Variants in RBFOX1 observed in about 807,000 individuals in gnomAD.
The protein encoded by RBFOX1 is RNA binding protein fox-1 homolog 1.
Under a neutral mutation model 57.7 loss-of-function variants are expected in RBFOX1, and 8 were observed. The observed-to-expected ratio is 0.14, with a 90% CI of 0.08 to 0.25. The LOEUF (loss-of-function observed/expected upper bound fraction) is 0.25, where lower values mean the gene tolerates loss of function less well. Ranked by LOEUF, RBFOX1 falls within the 10% of genes least tolerant of loss-of-function variation. The pLI is 1.00. For synonymous variants in RBFOX1, 326 were observed against 222.4 expected (o/e 1.47, Z -4.15); for missense variants, 611 against 548.5 (o/e 1.11, Z -1.14).
chr16:7,282,572 T>A (rs1000278569), intron 4 of RBFOX1, among the ~76,000 whole-genome samples: 7 of 151,880 alleles, frequency 4.6e-5, no homozygotes, highest in Admixed American at 4.6e-4. Context: ...TTTTTTTTCC[T>A]GTTATCGTTC....
chr16:7,303,865 G>T (rs1052526493), intron 4 of RBFOX1, among the ~76,000 whole-genome samples: 1 of 118,346 alleles, frequency 8.4e-6, no homozygotes, highest in South Asian at 3.2e-4. Flanking sequence ...CCTCCCTCTC[G>T]CTATCCTTGC....
chr16:6,885,906 C>T (rs28471023), intron 3 of RBFOX1, among the ~76,000 whole-genome samples: 6,077 of 152,198 alleles, frequency 0.04, 259 homozygotes, highest in East Asian at 0.18. Context: ...GGAGAATGAA[C>T]GTTGACTTTA....
At chr16:6,155,550 T>C (rs1326956372) in intron 1 of RBFOX1, among the ~76,000 whole-genome samples, 1 of 152,200 alleles carries the variant, frequency 6.6e-6, no homozygotes, top group Non-Finnish European at 1.5e-5. Context: ...TTAAGAAATG[T>C]CCCACATCGA....
intron 4 of RBFOX1, among the ~76,000 whole-genome samples, chr16:7,443,343 T>A (rs1055571109): frequency 6.6e-6 from 1 of 152,130 alleles, no homozygotes; most frequent in African/African-American, 2.4e-5. Context: ...AGTGAATTCC[T>A]ACCCCATCCC....
chr16:5,340,616 A>C (rs2065011738), intron 1 of RBFOX1, among the ~76,000 whole-genome samples: 1 of 152,186 alleles, frequency 6.6e-6, no homozygotes, highest in Admixed American at 6.5e-5. Context: ...TAGGAAATGA[A>C]CTGGCTTTTG....
At chr16:5,571,629 T>C (rs1162710077) in intron 2 of RBFOX1, among the ~76,000 whole-genome samples, 1 of 152,130 alleles carries the variant, frequency 6.6e-6, no homozygotes. Flanking sequence ...GCCATGCTTC[T>C]TGAGGTTATC....
chr16:7,589,512 T>G (rs973715081), intron 7 of RBFOX1, among the ~76,000 whole-genome samples: 3 of 151,906 alleles, frequency 2.0e-5, no homozygotes, highest in Non-Finnish European at 4.4e-5. Flanking sequence ...TGGTCTTTAT[T>G]CTTTTGGTTT....
chr16:7,698,971 A>T (rs150572926), intron 14 of RBFOX1, among the ~76,000 whole-genome samples: 1 of 152,178 alleles, frequency 6.6e-6, no homozygotes, highest in Non-Finnish European at 1.5e-5. Flanking sequence ...CAGAATTTTA[A>T]AAAATGGAAT....
At chr16:6,584,501 G>A (rs1712578344) in intron 2 of RBFOX1, among the ~76,000 whole-genome samples, 1 of 151,780 alleles carries the variant, frequency 6.6e-6, no homozygotes, top group Non-Finnish European at 1.5e-5. Flanking sequence ...CCAAGTTGCT[G>A]GGATTACTGC....
chr16:6,647,597 G>A (rs1048811777), intron 2 of RBFOX1, among the ~76,000 whole-genome samples: 1 of 152,144 alleles, frequency 6.6e-6, no homozygotes, highest in Non-Finnish European at 1.5e-5. Flanking sequence ...CTTCCTTAGA[G>A]TTCCCATCTC....
At chr16:5,609,618 A>G (rs957467834) in intron 3 of RBFOX1, among the ~76,000 whole-genome samples, 1 of 152,106 alleles carries the variant, frequency 6.6e-6, no homozygotes, top group East Asian at 1.9e-4. Context: ...ACCAAATGGG[A>G]CCCTGTGACC....
At chr16:5,609,459 T>C (rs2047698346) in intron 3 of RBFOX1, among the ~76,000 whole-genome samples, 1 of 152,144 alleles carries the variant, frequency 6.6e-6, no homozygotes, top group Non-Finnish European at 1.5e-5. Context: ...GAGGTCAGCT[T>C]CCAGGCTTTT....
chr16:6,322,979 C>G (rs1403754446), intron 2 of RBFOX1, among the ~76,000 whole-genome samples: 1 of 152,184 alleles, frequency 6.6e-6, no homozygotes, highest in Admixed American at 6.5e-5. Flanking sequence ...TACATTTCCC[C>G]TATGAATATC....
intron 7 of RBFOX1, among the ~76,000 whole-genome samples, chr16:7,588,359 A>C (rs373813653): frequency 6.6e-6 from 1 of 152,206 alleles, no homozygotes; most frequent in Non-Finnish European, 1.5e-5. Context: ...GTTGAATTCA[A>C]AACTCCCAAG....
intron 4 of RBFOX1, among the ~76,000 whole-genome samples, chr16:7,192,542 C>G (rs570872051): frequency 1.3e-5 from 2 of 152,172 alleles, no homozygotes; most frequent in East Asian, 3.9e-4. Flanking sequence ...GTGAGAAGAC[C>G]AAAGACAAAT....
At chr16:6,050,913 C>T (rs796311429) in intron 1 of RBFOX1, among the ~76,000 whole-genome samples, 6 of 150,504 alleles carry the variant, frequency 4.0e-5, no homozygotes, top group African/African-American at 1.5e-4. Flanking sequence ...AATCATCAAC[C>T]GGTGAGAGCT....
chr16:5,914,307 TG>T (rs528531525), intron 4 of RBFOX1, among the ~76,000 whole-genome samples: 187 of 152,336 alleles, frequency 1.2e-3, no homozygotes, highest in Non-Finnish European at 1.6e-3. Context: ...CCCCAATTTT[TG>T]TTGGGTCAGA....
intron 4 of RBFOX1, among the ~76,000 whole-genome samples, chr16:7,193,821 T>C (rs1008450614): frequency 5.3e-5 from 8 of 152,336 alleles, no homozygotes; most frequent in Middle Eastern, 3.4e-3. Flanking sequence ...GTAATGTATT[T>C]ACGTAACTCA....
chr16:7,054,554 A>AGGGGG (rs2051435839), intron 4 of RBFOX1, among the ~76,000 whole-genome samples: 1 of 104,718 alleles, frequency 9.5e-6, no homozygotes, highest in African/African-American at 2.8e-5. Flanking sequence ...GTGGGGGGGC[A>AGGGGG]TTTTTTAAGG....
Sources: gnomAD v4.1 joint callset for allele counts (sites outside exome capture counted in the v4.1 genomes callset) on GRCh38, gnomAD v4.1.1 for gene constraint, MANE v1.5 for transcripts, NCBI Gene and HGNC (gene_info 2026-07-23, HGNC 2026-07-21) for gene names.